TWIST2: variants seen among roughly 807,000 people sequenced by gnomAD.
TWIST2 encodes the protein twist-related protein 2.
Under a neutral mutation model 11.6 loss-of-function variants are expected in TWIST2, and 1 was observed. The observed-to-expected ratio is 0.09, with a 90% CI of 0.03 to 0.41. The LOEUF is 0.41. TWIST2 is among the 10% of genes least tolerant of loss of function. The pLI is 0.98. For synonymous variants in TWIST2, 87 were observed against 96.6 expected, an observed-to-expected ratio of 0.90 and a Z score of 0.58; for missense variants, 168 against 226.4, an observed-to-expected ratio of 0.74 and a Z score of 1.66.
intron 1 of TWIST2, among the ~76,000 whole-genome samples, chr2:238,909,193 GGTGT>G (rs1339475376): frequency 1.8e-4 from 1 of 5,412 alleles, no homozygotes; most frequent in East Asian, 4.8e-3. Flanking sequence ...TGGTATGTTT[GGTGT>G]GTGTGTGTAT....
intron 1 of TWIST2, among the ~76,000 whole-genome samples, chr2:238,899,510 GGCTGC>G (rs1478663560): frequency 1.3e-5 from 2 of 152,194 alleles, no homozygotes; most frequent in Non-Finnish European, 2.9e-5. Flanking sequence ...ACTCTCCCAA[GGCTGC>G]GCCACAGAGA....
At chr2:238,869,780 CA>C (rs1025574273) in intron 1 of TWIST2, among the ~76,000 whole-genome samples, 1 of 152,210 alleles carries the variant, frequency 6.6e-6, no homozygotes, top group African/African-American at 2.4e-5. Context: ...GCCATCTGTA[CA>C]AAAATGAAAA....
At chr2:238,874,157 ACT>A (rs555301804) in intron 1 of TWIST2, among the ~76,000 whole-genome samples, 6 of 152,018 alleles carry the variant, frequency 3.9e-5, no homozygotes, top group Non-Finnish European at 7.4e-5. Context: ...AGAGGACCAC[ACT>A]CTCCTGAGAA....
At chr2:238,893,936 C>A (rs1300240304) in intron 1 of TWIST2, among the ~76,000 whole-genome samples, 1 of 152,096 alleles carries the variant, frequency 6.6e-6, no homozygotes, top group Non-Finnish European at 1.5e-5. Flanking sequence ...CTTGACACCC[C>A]CTGGTGTCAG....
intron 1 of TWIST2, among the ~76,000 whole-genome samples, chr2:238,861,128 AG>A (rs1692426817): frequency 2.0e-5 from 3 of 152,120 alleles, no homozygotes; most frequent in Admixed American, 1.3e-4. Context: ...CCTCTTCCTT[AG>A]TTAAGTTGTG....
chr2:238,849,721 G>T (rs1307750126), intron 1 of TWIST2, among the ~76,000 whole-genome samples: 1 of 152,222 alleles, frequency 6.6e-6, no homozygotes, highest in African/African-American at 2.4e-5. Context: ...CTGGAAGAGC[G>T]ATTAGGGCGT....
intron 1 of TWIST2, among the ~76,000 whole-genome samples, chr2:238,907,408 C>A (rs1299898124): frequency 1.3e-5 from 2 of 152,176 alleles, no homozygotes; most frequent in Admixed American, 1.3e-4. Context: ...CCTGGACTTT[C>A]CTCCTGCCTG....
chr2:238,848,767 T>TGCGGGGG (rs930775674), intron 1 of TWIST2, 34 bp downstream of exon 1: 49 of 1,319,056 alleles, frequency 3.7e-5, no homozygotes, highest in Non-Finnish European at 4.1e-5. Context: ...CGCCCTCCGC[T>TGCGGGGG]GCGGGGGGCG....
At chr2:238,902,329 G>A (rs1693277287) in intron 1 of TWIST2, among the ~76,000 whole-genome samples, 1 of 150,910 alleles carries the variant, frequency 6.6e-6, no homozygotes, top group South Asian at 2.1e-4. Flanking sequence ...TGTGTGGTGT[G>A]GGGGTGTGTG....
intron 1 of TWIST2, among the ~76,000 whole-genome samples, chr2:238,868,748 C>T (rs1461792405): frequency 6.6e-6 from 1 of 152,214 alleles, no homozygotes; most frequent in Non-Finnish European, 1.5e-5. Context: ...GTTGGCTGGG[C>T]TCAGTGTGGT....
At chr2:238,859,308 A>T (rs1016082558) in intron 1 of TWIST2, among the ~76,000 whole-genome samples, 7 of 152,174 alleles carry the variant, frequency 4.6e-5, no homozygotes, top group African/African-American at 1.7e-4. Flanking sequence ...ACATATTGTG[A>T]TATTTGGGAT....
At chr2:238,858,759 C>T (rs1374594169) in intron 1 of TWIST2, among the ~76,000 whole-genome samples, 1 of 152,098 alleles carries the variant, frequency 6.6e-6, no homozygotes, top group Non-Finnish European at 1.5e-5. Context: ...GGTATATACC[C>T]CAAAACACTG....
chr2:238,907,147 C>T (rs1166289512), intron 1 of TWIST2, among the ~76,000 whole-genome samples: 6 of 152,172 alleles, frequency 3.9e-5, no homozygotes, highest in Admixed American at 2.0e-4. Flanking sequence ...GTGGCAGAAG[C>T]GGCCCTGAGG....
At chr2:238,858,995 T>A (rs970593459) in intron 1 of TWIST2, among the ~76,000 whole-genome samples, 2 of 152,134 alleles carry the variant, frequency 1.3e-5, no homozygotes, top group African/African-American at 2.4e-5. Context: ...GTGGATCACC[T>A]GAGGTCAGGA....
chr2:238,855,329 C>T (rs369337196), intron 1 of TWIST2, among the ~76,000 whole-genome samples: 3 of 152,338 alleles, frequency 2.0e-5, no homozygotes, highest in South Asian at 4.1e-4. Context: ...GGCATCTACA[C>T]GTCTCTGTTC....
intron 1 of TWIST2, among the ~76,000 whole-genome samples, chr2:238,882,543 G>A (rs181460273): frequency 6.9e-4 from 105 of 152,124 alleles, no homozygotes; most frequent in Non-Finnish European, 8.7e-4. Flanking sequence ...CTCATGTTAG[G>A]ATCATTTGAG....
At chr2:238,887,544 G>A (rs535713009) in intron 1 of TWIST2, among the ~76,000 whole-genome samples, 39 of 152,272 alleles carry the variant, frequency 2.6e-4, no homozygotes, top group Middle Eastern at 3.4e-3. Flanking sequence ...TTTGGCACTG[G>A]AGGCAGACTT....
At chr2:238,894,368 C>T (rs1185924656) in intron 1 of TWIST2, among the ~76,000 whole-genome samples, 1 of 152,150 alleles carries the variant, frequency 6.6e-6, no homozygotes, top group Non-Finnish European at 1.5e-5. Flanking sequence ...CACCCAGCCA[C>T]CCAAGCTGGG....
intron 1 of TWIST2, among the ~76,000 whole-genome samples, chr2:238,887,856 A>C (rs899749929): frequency 1.3e-5 from 2 of 151,514 alleles, no homozygotes; most frequent in Non-Finnish European, 2.9e-5. Context: ...TGCTGCATGA[A>C]CCTCCTGAGA....
Sources: gnomAD v4.1 joint callset for allele counts (sites outside exome capture counted in the v4.1 genomes callset) on GRCh38, gnomAD v4.1.1 for gene constraint, MANE v1.5 for transcripts, NCBI Gene and HGNC (gene_info 2026-07-23, HGNC 2026-07-21) for gene names.